Variants in FHIT observed in about 807,000 individuals in gnomAD.
FHIT encodes the protein bis(5'-adenosyl)-triphosphatase.
In FHIT, 19 loss-of-function variants were observed where a neutral mutation model predicts 17.9. That is an observed-to-expected ratio of 1.06 (90% CI 0.74 to 1.56). The LOEUF (loss-of-function observed/expected upper bound fraction) is 1.56. Ranked by LOEUF, FHIT falls within the 40% of genes most tolerant of loss-of-function variation. The probability of loss-of-function intolerance (pLI) is 0.00; values close to 1 mark genes in which losing one functional copy is unlikely to be tolerated. For synonymous variants in FHIT, 81 were observed against 69.7 expected (o/e 1.16, Z -0.81); for missense variants, 248 against 189.2 (o/e 1.31, Z -1.82).
intron 5 of FHIT, among the ~76,000 whole-genome samples, chr3:60,521,687 T>A (rs1278872382): frequency 1.3e-5 from 2 of 152,228 alleles, no homozygotes; most frequent in African/African-American, 2.4e-5. Flanking sequence ...AATACCTTTA[T>A]CTTCACATGA....
At position 60,583,367 on chromosome 3, in the gene FHIT, C is replaced by T. The variant is rs566377967; in HGVS notation, c.-17-46388G>A. Reference sequence around the variant, plus strand: ...ATTTCCTAGATCAGGGGTTGTCAAACGTTTTCTGTAAAGAGCTGGATAGTA... The same window carrying T: ...ATTTCCTAGATCAGGGGTTGTCAAATGTTTTCTGTAAAGAGCTGGATAGTA... On this transcript the variant is annotated intron_variant, in intron 4 of 9. Coordinates refer to ENST00000492590, the MANE Select transcript of FHIT (RefSeq NM_002012.4). Among the ~76,000 whole-genome samples, 10 of 152,014 alleles carry T rather than the reference C, an allele frequency of 6.6e-5. No homozygotes were observed. The South Asian group carries it at 8.3e-4, about 13-fold the overall frequency.
chr3:60,108,691 C>A (rs1704535940), intron 5 of FHIT, among the ~76,000 whole-genome samples: 1 of 148,682 alleles, frequency 6.7e-6, no homozygotes, highest in Non-Finnish European at 1.5e-5. Context: ...GAGACAGAGT[C>A]TCGCTTTTGT....
chr3:61,030,468 T>C (rs901254434), intron 3 of FHIT, among the ~76,000 whole-genome samples: 5 of 152,228 alleles, frequency 3.3e-5, no homozygotes, highest in African/African-American at 9.7e-5. Context: ...AAGGATTTAT[T>C]TGCACTAACC....
intron 5 of FHIT, among the ~76,000 whole-genome samples, chr3:60,223,408 T>C (rs559655344): frequency 3.3e-5 from 5 of 152,172 alleles, no homozygotes; most frequent in African/African-American, 1.2e-4. Context: ...GAATCATACA[T>C]CATCTTTGCA....
intron 4 of FHIT, among the ~76,000 whole-genome samples, chr3:60,650,351 C>T (rs1371740148): frequency 4.6e-5 from 7 of 152,026 alleles, no homozygotes; most frequent in Non-Finnish European, 1.0e-4. Flanking sequence ...TTAGAGATCA[C>T]CCCATTCAGC....
intron 8 of FHIT, among the ~76,000 whole-genome samples, chr3:59,902,640 C>T (rs974974257): frequency 9.9e-5 from 15 of 151,948 alleles, no homozygotes; most frequent in African/African-American, 3.4e-4. Context: ...TCCTGCCATT[C>T]GCAAAAACAT....
intron 4 of FHIT, among the ~76,000 whole-genome samples, chr3:60,809,170 G>T (rs1868221): frequency 0.96 from 146,720 of 152,266 alleles, 70,902 homozygotes; most frequent in Non-Finnish European, 1. Context: ...TTAATCACAA[G>T]AGCATAAAAT....
intron 5 of FHIT, among the ~76,000 whole-genome samples, chr3:60,447,808 A>G (rs1279779803): frequency 6.6e-6 from 1 of 152,176 alleles, no homozygotes; most frequent in East Asian, 1.9e-4. Flanking sequence ...ACACTATCCA[A>G]CTTAAGCCTT....
chr3:60,227,091 AG>A (rs996711633), intron 5 of FHIT, among the ~76,000 whole-genome samples: 5 of 152,158 alleles, frequency 3.3e-5, no homozygotes, highest in Admixed American at 2.0e-4. Context: ...ACAAAGCCAA[AG>A]TAAGCTTTCT....
chr3:59,966,331 C>A (rs1707924837), intron 7 of FHIT, among the ~76,000 whole-genome samples: 1 of 152,166 alleles, frequency 6.6e-6, no homozygotes, highest in Non-Finnish European at 1.5e-5. Context: ...ATAACCTGTG[C>A]AACTCACATA....
chr3:59,959,557 C>G (rs572614282), intron 7 of FHIT, among the ~76,000 whole-genome samples: 29 of 152,172 alleles, frequency 1.9e-4, no homozygotes, highest in Non-Finnish European at 4.0e-4. Flanking sequence ...TCGGGTTATT[C>G]ATTCATTCAT....
At chr3:59,956,308 A>G (rs189364013) in intron 7 of FHIT, among the ~76,000 whole-genome samples, 1 of 152,120 alleles carries the variant, frequency 6.6e-6, no homozygotes. Flanking sequence ...GCCTCCCAGG[A>G]GGATCACCTG....
chr3:59,876,850 A>C (rs569624271), intron 8 of FHIT, among the ~76,000 whole-genome samples: 1 of 152,300 alleles, frequency 6.6e-6, no homozygotes, highest in African/African-American at 2.4e-5. Flanking sequence ...TGGGAAGCTA[A>C]TCTTACCCTT....
intron 5 of FHIT, among the ~76,000 whole-genome samples, chr3:60,130,778 G>GTATACACATATATA (rs1401102205): frequency 4.4e-3 from 8 of 1,812 alleles, no homozygotes; most frequent in South Asian, 0.062. Context: ...GTGTGTGTGT[G>GTATACACATATATA]TGTGTGGTGT....
At chr3:60,560,021 C>T (rs938649226) in intron 4 of FHIT, among the ~76,000 whole-genome samples, 5 of 151,950 alleles carry the variant, frequency 3.3e-5, no homozygotes, top group African/African-American at 1.2e-4. Context: ...ATGACAGCTC[C>T]CAACAGCTTC....
At chr3:60,276,347 G>A (rs1177322246) in intron 5 of FHIT, among the ~76,000 whole-genome samples, 1 of 152,176 alleles carries the variant, frequency 6.6e-6, no homozygotes, top group Non-Finnish European at 1.5e-5. Context: ...TCCAGCAGAT[G>A]AAGTCTAAAA....
At chr3:60,229,663 T>G (rs1704396097) in intron 5 of FHIT, among the ~76,000 whole-genome samples, 1 of 152,276 alleles carries the variant, frequency 6.6e-6, no homozygotes, top group Middle Eastern at 3.4e-3. Context: ...ATTATGTAGA[T>G]GAACTTTTGA....
intron 5 of FHIT, among the ~76,000 whole-genome samples, chr3:60,370,513 A>T (rs1700284395): frequency 6.6e-6 from 1 of 152,160 alleles, no homozygotes; most frequent in Non-Finnish European, 1.5e-5. Context: ...CCTTGAATTC[A>T]AAAACCCCAC....
chr3:60,643,128 C>T (rs938889922), intron 4 of FHIT, among the ~76,000 whole-genome samples: 2 of 152,194 alleles, frequency 1.3e-5, no homozygotes, highest in Non-Finnish European at 2.9e-5. Flanking sequence ...AGGCACCCAA[C>T]TATTGTCGAA....
Sources: gnomAD v4.1 joint callset for allele counts (sites outside exome capture counted in the v4.1 genomes callset) on GRCh38, gnomAD v4.1.1 for gene constraint, MANE v1.5 for transcripts, NCBI Gene and HGNC (gene_info 2026-07-23, HGNC 2026-07-21) for gene names.